The following MED13 variants were observed in gnomAD, a reference collection of about 807,000 sequenced individuals.
The protein encoded by MED13 is mediator of RNA polymerase II transcription subunit 13.
In MED13, 23 loss-of-function variants were observed where a neutral mutation model predicts 225.2. The ratio of observed to expected loss-of-function variants is 0.10; its 90% CI spans 0.07 to 0.14. The LOEUF (loss-of-function observed/expected upper bound fraction) is 0.14. Ranked by LOEUF, MED13 falls within the 10% of genes least tolerant of loss-of-function variation. MED13 has a pLI of 1.00. For synonymous variants in MED13, 942 were observed against 889.2 expected (o/e 1.06, Z -1.06); for missense variants, 2,197 against 2,594.5 (o/e 0.85, Z 3.33).
At position 61,950,964 on chromosome 17, in the gene MED13, G is replaced by A. The variant is rs375930586; in HGVS notation, c.6152C>T (p.Pro2051Leu). Reference sequence around the variant, plus strand: ...AAGAATATTAGGTACTTCCTCATGAGGTTCTGTTGATAGTAGCCGATCAGT... The same window carrying A: ...AAGAATATTAGGTACTTCCTCATGAAGTTCTGTTGATAGTAGCCGATCAGT... Reference protein sequence around the residue: ...QSTDRLLSTEPHEEVPNILQQ... With the variant: ...QSTDRLLSTELHEEVPNILQQ... The change falls in exon 28 of 30, where the codon CCT (proline) becomes CTT (leucine). Residue 2051 changes from proline to leucine, a missense_variant. By Grantham distance (98) the Pro-to-Leu change is moderately conservative. Around this residue, in one of 12 missense-constraint regions of MED13, gnomAD observed 216 missense variants for 388.9 expected, o/e 0.56. Coordinates refer to ENST00000397786, the MANE Select transcript of MED13 (RefSeq NM_005121.3). 5.0e-6 allele frequency: 8 copies of A among 1,613,654 alleles called. No homozygotes were observed. The highest frequency in any genetic ancestry group is 6.8e-6 in the Non-Finnish European group (8 of 1,179,754).
At chr17:62,030,110 C>T (rs1387383574) in intron 6 of MED13, 97 bp from the exon 7 acceptor site, 9 of 1,084,368 alleles carry the variant, frequency 8.3e-6, no homozygotes, top group Non-Finnish European at 1.1e-5. Context: ...CAAGCTGCTC[C>T]AGCTATCTGG....
chr17:62,055,111 G>T (rs1268667000), intron 2 of MED13, among the ~76,000 whole-genome samples: 1 of 152,188 alleles, frequency 6.6e-6, no homozygotes, highest in African/African-American at 2.4e-5. Context: ...CCGGGAGGCT[G>T]AGGCCAGGTG....
At chr17:61,960,441 C>T (rs2079988817) in intron 23 of MED13, among the ~76,000 whole-genome samples, 2 of 151,936 alleles carry the variant, frequency 1.3e-5, no homozygotes, top group African/African-American at 4.8e-5. Flanking sequence ...CGGCTACATC[C>T]TAACATTTAA....
chr17:62,017,769 A>G lies in MED13; in HGVS notation c.1284-6536T>C, dbSNP rs557269170. Among the ~76,000 whole-genome samples the G allele has an allele frequency of 2.6e-5, 4 of 152,326 alleles. No homozygotes were observed. In the South Asian group the frequency reaches 8.3e-4, roughly 32 times the overall value. On this transcript the variant is annotated intron_variant, in intron 8 of 29. Coordinates refer to ENST00000397786, the MANE Select transcript of MED13 (RefSeq NM_005121.3). ...AATGTCCTTCATGAAGACAGCAAAA[A>G]TAATTTTTATTAATCTCAATCCTTA...
chr17:61,983,482 T>C (rs796868726), intron 15 of MED13, among the ~76,000 whole-genome samples: 38 of 152,300 alleles, frequency 2.5e-4, no homozygotes, highest in African/African-American at 9.1e-4. Context: ...GAGATGCTCA[T>C]GTGTAAAAAG....
In MED13 at chr17:61,944,015, AAGTCTACTG is replaced by A. The variant is rs1436802842; in HGVS notation, c.*2444_*2452del. The A allele has an allele frequency of 6.6e-6, 1 of 152,606 alleles. No homozygotes were observed. The highest frequency in any genetic ancestry group is 1.5e-5 in the Non-Finnish European group (1 of 68,016). 9.5% of individuals were successfully genotyped at this position (152,606 alleles called of 1,614,324 possible). A position where few individuals can be genotyped will look rare whatever the true frequency, so the allele number is the denominator to read the frequency against. On this transcript the variant is annotated 3_prime_UTR_variant, in exon 30 of 30. Transcript: ENST00000397786. The stretch of plus-strand genomic sequence containing the variant: ...CTGCACAAGGCTTAATTTCTCAAAT[AAGTCTACTG>A]AGCTTTTCTAATGGTTATTTAATAA...
At chr17:61,986,130 A>G (rs970233491) in intron 12 of MED13, among the ~76,000 whole-genome samples, 2 of 152,176 alleles carry the variant, frequency 1.3e-5, no homozygotes, top group African/African-American at 4.8e-5. Flanking sequence ...AGTAGAGAGA[A>G]AGTATGAATG....
Position 62,019,201 on chromosome 17 carries a change from T to C in MED13, c.1284-7968A>G, listed in dbSNP as rs112169321. Among the ~76,000 whole-genome samples the C allele has an allele frequency of 4.3e-4, 66 of 152,350 alleles. 2 individuals carry two copies. Among genetic ancestry groups the C allele is most frequent in the African/African-American group, 1.5e-3 (62 of 41,586 alleles). On this transcript the variant is annotated intron_variant, in intron 8 of 29. Coordinates refer to ENST00000397786, the MANE Select transcript of MED13 (RefSeq NM_005121.3). ...GCAATAGGCCGAATGCAGAAGCAGA[T>C]ATAAGAATTCAACTATCTTACTACA...
intron 16 of MED13, among the ~76,000 whole-genome samples, chr17:61,975,868 T>A (rs2080151071): frequency 6.6e-6 from 1 of 151,660 alleles, no homozygotes; most frequent in Non-Finnish European, 1.5e-5. Context: ...ATACAAAAAT[T>A]AGCTGGGTAT....
At chr17:62,064,869 A>T (rs1164196242) in intron 1 of MED13, among the ~76,000 whole-genome samples, 1 of 152,222 alleles carries the variant, frequency 6.6e-6, no homozygotes, top group East Asian at 1.9e-4. Context: ...CTGCCAGATA[A>T]GGAGCTCAAG....
At chr17:61,991,806 C>A (rs1490302486) in intron 11 of MED13, among the ~76,000 whole-genome samples, 1 of 151,922 alleles carries the variant, frequency 6.6e-6, no homozygotes, top group Non-Finnish European at 1.5e-5. Flanking sequence ...CTGTGCCCGG[C>A]CTAATTTTTG....
At chr17:61,975,486 T>C (rs951062348) in intron 16 of MED13, among the ~76,000 whole-genome samples, 3 of 152,166 alleles carry the variant, frequency 2.0e-5, no homozygotes, top group Admixed American at 2.0e-4. Context: ...CAAGTGTAAG[T>C]GAAACCCTCA....
chr17:62,022,934 C>T (rs564061974), intron 8 of MED13, among the ~76,000 whole-genome samples: 12 of 152,148 alleles, frequency 7.9e-5, no homozygotes, highest in African/African-American at 2.7e-4. Context: ...CGTTTCAGCC[C>T]AGGAGTTTGA....
At chr17:61,980,417 T>A (rs2080194142) in intron 16 of MED13, among the ~76,000 whole-genome samples, 1 of 152,108 alleles carries the variant, frequency 6.6e-6, no homozygotes, top group Admixed American at 6.5e-5. Flanking sequence ...TTTTTCTATC[T>A]CCAGACCCAA....
intron 3 of MED13, among the ~76,000 whole-genome samples, chr17:62,037,566 C>A (rs776225355): frequency 6.6e-6 from 1 of 150,550 alleles, no homozygotes; most frequent in Non-Finnish European, 1.5e-5. Context: ...ACTCAGGAGG[C>A]TGAGGCATGA....
chr17:61,959,028 A>C (rs778856681), intron 23 of MED13, among the ~76,000 whole-genome samples: 7 of 149,904 alleles, frequency 4.7e-5, no homozygotes. Flanking sequence ...TTTAAGACAG[A>C]CTTTCGCTCT....
intron 16 of MED13, among the ~76,000 whole-genome samples, chr17:61,977,163 T>C (rs2080164146): frequency 6.6e-6 from 1 of 152,104 alleles, no homozygotes; most frequent in Non-Finnish European, 1.5e-5. Flanking sequence ...GTGTACTTAA[T>C]GGGGGTAAGA....
At chr17:61,948,527 T>G (rs1037901344) in intron 28 of MED13, among the ~76,000 whole-genome samples, 2 of 152,078 alleles carry the variant, frequency 1.3e-5, no homozygotes, top group African/African-American at 4.8e-5. Flanking sequence ...TTTTTCAGAC[T>G]TTAGTGTGCA....
rs73334668 is a variant in MED13, at chr17:61,965,990, A to G, written c.4381+472T>C. ...AAGAGTATTTATAAGCAATACAGTT[A>G]GGCACGGGTAGAATGAAAGAAAAAA... is the stretch of plus-strand genomic sequence containing the variant. On this transcript the variant is annotated intron_variant, in intron 19 of 29. Coordinates refer to ENST00000397786, the MANE Select transcript of MED13 (RefSeq NM_005121.3). Among the ~76,000 whole-genome samples, 969 of 152,126 alleles carry G rather than the reference A, an allele frequency of 6.4e-3. 10 individuals carry two copies. The highest frequency in any genetic ancestry group is 0.022 in the African/African-American group (915 of 41,544).
Sources: allele counts gnomAD v4.1 joint callset (sites outside exome capture counted in the v4.1 genomes callset), GRCh38; gene constraint gnomAD v4.1.1; regional missense constraint gnomAD v4.1.1; transcripts MANE v1.5; gene names NCBI Gene and HGNC (gene_info 2026-07-23, HGNC 2026-07-21).